The following ATP9B variants were observed in gnomAD, a reference collection of about 807,000 sequenced individuals.
ATP9B encodes ATPase phospholipid transporting 9B.
In ATP9B, 110 loss-of-function variants were observed where a neutral mutation model predicts 146.1. The observed-to-expected ratio is 0.75, with a 90% CI of 0.65 to 0.88. The LOEUF (loss-of-function observed/expected upper bound fraction) is 0.88, where lower values mean the gene tolerates loss of function less well. Among genes scored for constraint, ATP9B ranks in the 40% least tolerant of loss-of-function variants. The pLI, the probability that ATP9B is intolerant of heterozygous loss-of-function variation, is 0.00. For synonymous variants in ATP9B, 604 were observed against 569.7 expected (o/e 1.06, Z -0.86); for missense variants, 1,499 against 1,496.4 (o/e 1.00, Z -0.03).
At position 79,110,365 on chromosome 18, in the gene ATP9B, T is replaced by G; in HGVS notation, c.304T>G (p.Trp102Gly). 1.2e-6 allele frequency: 2 copies of G among 1,603,048 alleles called. No individual in the cohort carries two copies. Among genetic ancestry groups the G allele is most frequent in the East Asian group, 4.5e-5 (2 of 44,660 alleles). Reference sequence around the variant, plus strand: ...TTTTGTTTCATACAGTTGCTGTGGTTGGCTGATAAATATTTGTCGAAGAAA... The same window carrying G: ...TTTTGTTTCATACAGTTGCTGTGGTGGGCTGATAAATATTTGTCGAAGAAA... ...WKFLCTSCCG[W>G]LINICRRKKE... The change falls in exon 3 of 30, where the codon TGG (tryptophan) becomes GGG (glycine). Residue 102 changes from tryptophan to glycine, a missense_variant. Physicochemically the swap from Trp to Gly is radical, Grantham distance 184. Transcript: ENST00000426216.
chr18:79,109,456 T>C (rs2075858884), intron 2 of ATP9B, among the ~76,000 whole-genome samples: 2 of 152,266 alleles, frequency 1.3e-5, no homozygotes, highest in East Asian at 1.9e-4. Context: ...AATTAAAATA[T>C]TTACTGCATA....
At chr18:79,321,485 C>T (rs1358589173) in intron 15 of ATP9B, among the ~76,000 whole-genome samples, 2 of 151,802 alleles carry the variant, frequency 1.3e-5, no homozygotes, top group Non-Finnish European at 2.9e-5. Flanking sequence ...CGGGTTCAAG[C>T]GATTCTCCTG....
chr18:79,256,715 C>G (rs2096085223), intron 12 of ATP9B, among the ~76,000 whole-genome samples: 1 of 152,146 alleles, frequency 6.6e-6, no homozygotes, highest in South Asian at 2.1e-4. Flanking sequence ...TCTTCCCTCT[C>G]CCATCCACTT....
Position 79,336,310 on chromosome 18 carries a change from G to C in ATP9B, c.2029-318G>C, listed in dbSNP as rs1443087972. ...GATTCAGGGTATGATTTTTTGAAAA[G>C]CCCGTGCTGTGGTAAAAAGAAGCTC... On this transcript the variant is annotated intron_variant, in intron 17 of 29. Coordinates refer to ENST00000426216, the MANE Select transcript of ATP9B (RefSeq NM_198531.5). Among the ~76,000 whole-genome samples the C allele has an allele frequency of 2.0e-5, 3 of 152,236 alleles. No individual in the cohort carries two copies. The East Asian group carries it at 5.8e-4, about 29-fold the overall frequency.
intron 15 of ATP9B, among the ~76,000 whole-genome samples, chr18:79,316,979 G>A (rs758997705): frequency 1.9e-4 from 29 of 152,200 alleles, no homozygotes; most frequent in African/African-American, 6.8e-4. Flanking sequence ...ATGTTTATAA[G>A]AGAATATGAA....
intron 11 of ATP9B, among the ~76,000 whole-genome samples, chr18:79,241,569 A>T (rs747386449): frequency 1.1e-4 from 16 of 152,186 alleles, no homozygotes; most frequent in Non-Finnish European, 1.9e-4. Context: ...AGCAGCATTC[A>T]TCCAAAGTTA....
At chr18:79,267,773 T>G (rs951287123) in intron 12 of ATP9B, among the ~76,000 whole-genome samples, 2 of 152,108 alleles carry the variant, frequency 1.3e-5, no homozygotes, top group Non-Finnish European at 2.9e-5. Context: ...GGTCCAATAT[T>G]TAGTCCATTT....
At chr18:79,359,247 A>C in intron 25 of ATP9B, 107 bp from the exon 26 acceptor site, 1 of 756,514 alleles carries the variant, frequency 1.3e-6, no homozygotes, top group Non-Finnish European at 2.1e-6. Context: ...GTTTTTGTGG[A>C]GTATTTTTTG....
intron 25 of ATP9B, 44 bp downstream of exon 25, chr18:79,348,240 TC>T: frequency 2.0e-6 from 2 of 1,006,882 alleles, no homozygotes; most frequent in Non-Finnish European, 2.9e-6. Context: ...GGGGAGGACT[TC>T]TATTTTGAAA....
At chr18:79,166,089 C>G (rs1390779415) in intron 7 of ATP9B, among the ~76,000 whole-genome samples, 1 of 152,156 alleles carries the variant, frequency 6.6e-6, no homozygotes, top group Non-Finnish European at 1.5e-5. Context: ...AGGTTCTGCC[C>G]AGGGTGAGAG....
chr18:79,237,580 C>T (rs1430094439), intron 11 of ATP9B, among the ~76,000 whole-genome samples: 10 of 151,848 alleles, frequency 6.6e-5, no homozygotes, highest in Admixed American at 6.6e-5. Context: ...TTTTAGTCAA[C>T]GAATATTGTG....
At chr18:79,103,771 G>A (rs1424426824) in intron 2 of ATP9B, among the ~76,000 whole-genome samples, 1 of 152,174 alleles carries the variant, frequency 6.6e-6, no homozygotes, top group Admixed American at 6.5e-5. Flanking sequence ...TTATGGTGAT[G>A]AGTCCATCAG....
At chr18:79,171,094 G>A (rs188678101) in intron 7 of ATP9B, among the ~76,000 whole-genome samples, 15 of 152,252 alleles carry the variant, frequency 9.9e-5, no homozygotes, top group African/African-American at 3.4e-4. Flanking sequence ...ATAGTGTTAA[G>A]TAACTTTTTT....
intron 25 of ATP9B, chr18:79,354,048 G>GT (rs2096936593): frequency 6.6e-6 from 1 of 152,136 alleles, no homozygotes; most frequent in Admixed American, 6.6e-5. Flanking sequence ...AGAAGAAAAT[G>GT]TTTCATATAG....
At chr18:79,361,452 C>T (rs1191685132) in intron 26 of ATP9B, 2 of 151,830 alleles carry the variant, frequency 1.3e-5, no homozygotes, top group Admixed American at 6.6e-5. Flanking sequence ...ATTAAATTTC[C>T]GTTTTCGTTA....
chr18:79,131,745 T>TAGC (rs2094381287), intron 5 of ATP9B, among the ~76,000 whole-genome samples: 2 of 152,232 alleles, frequency 1.3e-5, no homozygotes, highest in South Asian at 4.1e-4. Flanking sequence ...AACGAATGGA[T>TAGC]AGCAAATTTC....
chr18:79,073,790 TTA>T (rs917800773), intron 1 of ATP9B, among the ~76,000 whole-genome samples: 5 of 152,224 alleles, frequency 3.3e-5, no homozygotes, highest in African/African-American at 4.8e-5. Context: ...GTTTTATAAT[TTA>T]TGTTTGTTTC....
At chr18:79,214,660 T>C (rs2095611378) in intron 11 of ATP9B, among the ~76,000 whole-genome samples, 1 of 152,228 alleles carries the variant, frequency 6.6e-6, no homozygotes, top group Non-Finnish European at 1.5e-5. Flanking sequence ...TGTGCTAATG[T>C]ACAGTTAATG....
intron 1 of ATP9B, among the ~76,000 whole-genome samples, chr18:79,083,152 A>G (rs1320557808): frequency 6.6e-6 from 1 of 152,168 alleles, no homozygotes; most frequent in African/African-American, 2.4e-5. Context: ...GGCTTTGCCA[A>G]GGTGTGGTGG....
Sources: allele counts gnomAD v4.1 joint callset (sites outside exome capture counted in the v4.1 genomes callset), GRCh38; gene constraint gnomAD v4.1.1; transcripts MANE v1.5; gene names NCBI Gene and HGNC (gene_info 2026-07-23, HGNC 2026-07-21).